MTA3: variants seen among roughly 807,000 people sequenced by gnomAD.
MTA3 encodes metastasis-associated protein MTA3.
Under a neutral mutation model 83.5 loss-of-function variants are expected in MTA3, and 34 were observed. The ratio of observed to expected loss-of-function variants is 0.41; its 90% CI spans 0.31 to 0.54. The LOEUF (loss-of-function observed/expected upper bound fraction) is 0.54. Ranked by LOEUF, MTA3 falls within the 20% of genes least tolerant of loss-of-function variation. The pLI is 0.33. For missense variants in MTA3, 761 were observed against 726.4 expected (o/e 1.05, Z -0.55); for synonymous variants, 303 against 252.7 (o/e 1.20, Z -1.89).
Position 42,753,444 on chromosome 2 carries a change from C to T in MTA3, c.*45C>T. 1 of 1,550,386 alleles carries T rather than the reference C, an allele frequency of 6.5e-7. No homozygotes were observed. Among genetic ancestry groups the T allele is most frequent in the Non-Finnish European group, 8.7e-7 (1 of 1,146,828 alleles). ...ACAATCCAAGACTTGCTGCACTGTCCTGCTGATGTTCACAGCCGTGCCTGG... is the reference window on the plus strand; with the variant it reads ...ACAATCCAAGACTTGCTGCACTGTCTTGCTGATGTTCACAGCCGTGCCTGG... On this transcript the variant is annotated 3_prime_UTR_variant, in exon 17 of 17. Transcript: ENST00000405094.
rs7561256 is a variant in MTA3 at position 42,656,121 on chromosome 2, A to G, written c.500-79A>G. The G allele has an allele frequency of 1.9e-3, 2,017 of 1,059,432 alleles. 25 individuals carry two copies. In the African/African-American group the frequency reaches 0.027, roughly 14 times the overall value. 65.6% of individuals were successfully genotyped at this position (1,059,432 alleles called of 1,614,324 possible). On this transcript the variant is annotated intron_variant, in intron 6 of 16. Transcript: ENST00000405094. ...CTTACACATAAACATTTCTAATGCT[A>G]TGGTGACAGTTGTCATCAGTGGTAT... is the stretch of plus-strand genomic sequence containing the variant.
At chr2:42,706,471 C>T (rs1036066724) in intron 12 of MTA3, among the ~76,000 whole-genome samples, 1 of 152,034 alleles carries the variant, frequency 6.6e-6, no homozygotes, top group African/African-American at 2.4e-5. Flanking sequence ...AGTGTTATTC[C>T]CGATAAACAT....
chr2:42,531,401 T>A (rs1675958360), intron 2 of MTA3, among the ~76,000 whole-genome samples: 2 of 151,626 alleles, frequency 1.3e-5, no homozygotes, highest in South Asian at 2.1e-4. Flanking sequence ...AAAGAGTGGA[T>A]GCTTTAAACA....
intron 2 of MTA3, among the ~76,000 whole-genome samples, chr2:42,571,824 G>C (rs1435199652): frequency 6.6e-6 from 1 of 152,040 alleles, no homozygotes; most frequent in Non-Finnish European, 1.5e-5. Flanking sequence ...GTGCATGCCT[G>C]TAATCCCAGC....
In MTA3 at chr2:42,579,196, T is replaced by C. The variant is rs1252308837; in HGVS notation, c.186T>C (p.His62=). Reference sequence around the variant, plus strand: ...CACTTATAATGCTCGCAGATAAGCATGCTAGTAAGTTGTTTTTCTCTGATT... The same window carrying C: ...CACTTATAATGCTCGCAGATAAGCACGCTAGTAAGTTGTTTTTCTCTGATT... The part of the protein sequence containing the change: ...SNTLIMLADK[H]AKEIEEESET... The change falls in exon 3 of 17, where the codon CAT becomes CAC. Residue 62 remains histidine, a synonymous_variant. Coordinates refer to ENST00000405094, the MANE Select transcript of MTA3 (RefSeq NM_001330442.2). The C allele has an allele frequency of 3.1e-6, 5 of 1,589,300 alleles. No individual in the cohort carries two copies. Among genetic ancestry groups the C allele is most frequent in the East Asian group, 4.5e-5 (2 of 44,194 alleles).
At position 42,755,279 on chromosome 2, in the gene MTA3, G is replaced by C; in HGVS notation, c.*1880G>C. The C allele has an allele frequency of 1.0e-6, 1 of 985,464 alleles. No individual in the cohort carries two copies. Among genetic ancestry groups the C allele is most frequent in the East Asian group, 1.1e-4 (1 of 8,806 alleles). The allele number at this position is 985,464 out of a possible 1,614,324, so 61.0% of individuals were successfully genotyped here. Reference sequence around the variant, plus strand: ...CACTTTCTCTCTGAACCCCTACTAAGTGGTGACTGCAGATTCTGGAAACAA... The same window carrying C: ...CACTTTCTCTCTGAACCCCTACTAACTGGTGACTGCAGATTCTGGAAACAA... On this transcript the variant is annotated 3_prime_UTR_variant, in exon 17 of 17. Transcript: ENST00000405094.
intron 2 of MTA3, among the ~76,000 whole-genome samples, chr2:42,545,806 C>A (rs1234319158): frequency 6.6e-6 from 1 of 152,134 alleles, no homozygotes; most frequent in Non-Finnish European, 1.5e-5. Flanking sequence ...GGATTTCAGA[C>A]TGAGGTTCAG....
At chr2:42,663,062 G>A (rs145087139) in intron 8 of MTA3, among the ~76,000 whole-genome samples, 3 of 152,152 alleles carry the variant, frequency 2.0e-5, no homozygotes, top group East Asian at 3.8e-4. Flanking sequence ...ATCACTGCAA[G>A]AACTTAGTTT....
intron 2 of MTA3, among the ~76,000 whole-genome samples, chr2:42,556,390 C>A (rs1193462085): frequency 6.6e-6 from 1 of 152,222 alleles, no homozygotes; most frequent in East Asian, 1.9e-4. Context: ...ATTTGTGACG[C>A]TCTCTGCCTT....
intron 3 of MTA3, among the ~76,000 whole-genome samples, chr2:42,589,863 A>G (rs1303126248): frequency 6.6e-6 from 1 of 152,144 alleles, no homozygotes; most frequent in African/African-American, 2.4e-5. Context: ...TTTGTCACCA[A>G]TGGTCCCTTT....
upstream of MTA3, among the ~76,000 whole-genome samples, chr2:42,566,050 T>C (rs1428391849): frequency 1.3e-5 from 2 of 152,112 alleles, no homozygotes; most frequent in Non-Finnish European, 2.9e-5. Flanking sequence ...TTGAGGTAGG[T>C]ATCAACCAGT....
chr2:42,597,883 C>T (rs767296781), intron 3 of MTA3, among the ~76,000 whole-genome samples: 2 of 149,340 alleles, frequency 1.3e-5, no homozygotes, highest in African/African-American at 4.9e-5. Context: ...GGTTTTGCCA[C>T]GTTGCCCAGG....
In MTA3 at chr2:42,631,746, G is replaced by C. The variant is rs186686760; in HGVS notation, c.318-8427G>C. ...CCTTAGTGACCCAGGCTGGAGTGCA[G>C]TGATCCAGTCTTGGCTCATTGCAAC... is the stretch of plus-strand genomic sequence containing the variant. On this transcript the variant is annotated intron_variant, in intron 4 of 16. Transcript: ENST00000405094. Among the ~76,000 whole-genome samples, 54 of 152,282 alleles carry C rather than the reference G, an allele frequency of 3.5e-4. 1 individual carries two copies. The East Asian group carries it at 8.3e-3, about 23-fold the overall frequency.
intron 2 of MTA3, among the ~76,000 whole-genome samples, chr2:42,513,892 A>T (rs1003541861): frequency 6.6e-6 from 1 of 152,200 alleles, no homozygotes; most frequent in African/African-American, 2.4e-5. Flanking sequence ...CACTACCTCA[A>T]ATTGAGACAG....
In MTA3 at chr2:42,756,345, C is replaced by T; in HGVS notation, c.*2946C>T. On this transcript the variant is annotated 3_prime_UTR_variant, in exon 17 of 17. Coordinates refer to ENST00000405094, the MANE Select transcript of MTA3 (RefSeq NM_001330442.2). Reference sequence around the variant, plus strand: ...CTCCCCTCCTCTTGGCCTCCAGAGTCCTGCAGGTGCCTCACAGTAGTGAAA... The same window carrying T: ...CTCCCCTCCTCTTGGCCTCCAGAGTTCTGCAGGTGCCTCACAGTAGTGAAA... 1 of 520,300 alleles carries T rather than the reference C, an allele frequency of 1.9e-6. No individual in the cohort carries two copies. The highest frequency in any genetic ancestry group is 1.5e-4 in the East Asian group (1 of 6,774). 32.2% of individuals were successfully genotyped at this position (520,300 alleles called of 1,614,324 possible).
chr2:42,625,941 T>C (rs552432970), intron 4 of MTA3, among the ~76,000 whole-genome samples: 1 of 149,400 alleles, frequency 6.7e-6, no homozygotes, highest in South Asian at 2.1e-4. Context: ...TATCCTTTTT[T>C]TTTTCTTTTT....
intron 7 of MTA3, among the ~76,000 whole-genome samples, chr2:42,657,209 G>A (rs1689250197): frequency 6.6e-6 from 1 of 152,192 alleles, no homozygotes; most frequent in Non-Finnish European, 1.5e-5. Flanking sequence ...TTATGTTATT[G>A]TCTGATTTTG....
At chr2:42,687,433 C>T (rs544890191) in intron 9 of MTA3, among the ~76,000 whole-genome samples, 55 of 152,198 alleles carry the variant, frequency 3.6e-4, no homozygotes, top group African/African-American at 1.3e-3. Flanking sequence ...TGTGAATGTA[C>T]CACAATCAGT....
At chr2:42,558,195 C>CAT (rs1677490813) in intron 2 of MTA3, among the ~76,000 whole-genome samples, 1 of 151,466 alleles carries the variant, frequency 6.6e-6, no homozygotes, top group Non-Finnish European at 1.5e-5. Context: ...TCACTACCTG[C>CAT]ATAGTTCTCA....
Sources: gnomAD v4.1 joint callset for allele counts (sites outside exome capture counted in the v4.1 genomes callset) on GRCh38, gnomAD v4.1.1 for gene constraint, MANE v1.5 for transcripts, NCBI Gene and HGNC (gene_info 2026-07-23, HGNC 2026-07-21) for gene names.